Variants in POT1 observed in about 807,000 individuals in gnomAD.
The protein encoded by POT1 is protection of telomeres protein 1.
Under a neutral mutation model 78.5 loss-of-function variants are expected in POT1, and 47 were observed. The ratio of observed to expected loss-of-function variants is 0.60; its 90% CI spans 0.47 to 0.76. POT1 has a LOEUF of 0.76. Ranked by LOEUF, POT1 falls within the 30% of genes least tolerant of loss-of-function variation. POT1 has a pLI of 0.00. For synonymous variants in POT1, 259 were observed against 260.7 expected, an observed-to-expected ratio of 0.99 and a Z score of 0.06; for missense variants, 646 against 749.9, an observed-to-expected ratio of 0.86 and a Z score of 1.62.
chr7:124,929,450 T>C (rs934271045), intron 1 of POT1: 3 of 152,148 alleles, frequency 2.0e-5, no homozygotes, highest in African/African-American at 7.2e-5. Context: ...AAACAAAAAT[T>C]ACTGAACTGA....
chr7:124,871,073 T>C, intron 6 of POT1, 32 bp from the exon 7 acceptor site: 2 of 1,537,584 alleles, frequency 1.3e-6, no homozygotes, highest in Non-Finnish European at 1.8e-6. Flanking sequence ...TACCTGACTT[T>C]CAATATTTTA....
intron 6 of POT1, among the ~76,000 whole-genome samples, chr7:124,876,026 A>T (rs1424405468): frequency 6.6e-6 from 1 of 152,200 alleles, no homozygotes; most frequent in Non-Finnish European, 1.5e-5. Context: ...ATTTGAATTG[A>T]TGTTCAGAAA....
intron 15 of POT1, among the ~76,000 whole-genome samples, chr7:124,832,816 C>T (rs1429942669): frequency 1.7e-5 from 2 of 119,592 alleles, no homozygotes; most frequent in African/African-American, 6.1e-5. Flanking sequence ...AGCAAGACTT[C>T]ATCTCAAAAA....
At chr7:124,891,029 T>G (rs1207685658) in intron 6 of POT1, among the ~76,000 whole-genome samples, 2 of 151,770 alleles carry the variant, frequency 1.3e-5, no homozygotes, top group Non-Finnish European at 2.9e-5. Context: ...GTCTGTTAGG[T>G]CCATTTGGTC....
intron 3 of POT1, among the ~76,000 whole-genome samples, chr7:124,903,573 G>A (rs1796679147): frequency 6.6e-6 from 1 of 152,126 alleles, no homozygotes; most frequent in African/African-American, 2.4e-5. Context: ...GAGAAAGCAA[G>A]AAAGATCTAA....
chr7:124,848,239 T>A (rs1795218587), intron 11 of POT1, among the ~76,000 whole-genome samples: 1 of 152,140 alleles, frequency 6.6e-6, no homozygotes, highest in Non-Finnish European at 1.5e-5. Flanking sequence ...CACTGCTAAT[T>A]TTACCTCAAA....
intron 5 of POT1, among the ~76,000 whole-genome samples, chr7:124,894,011 G>A (rs1377144780): frequency 2.6e-5 from 4 of 151,414 alleles, no homozygotes; most frequent in Non-Finnish European, 5.9e-5. Flanking sequence ...TGAATAAGTT[G>A]GGAAAGAAAA....
intron 3 of POT1, among the ~76,000 whole-genome samples, chr7:124,907,442 C>G (rs1563017061): frequency 6.6e-6 from 1 of 152,020 alleles, no homozygotes; most frequent in Non-Finnish European, 1.5e-5. Context: ...CTTCACCCCC[C>G]ACAAAATTAA....
intron 11 of POT1, among the ~76,000 whole-genome samples, chr7:124,848,145 G>C (rs1259011944): frequency 6.6e-6 from 1 of 152,112 alleles, no homozygotes; most frequent in East Asian, 1.9e-4. Context: ...TTCTAGAACA[G>C]CAAATCTAGA....
At chr7:124,878,116 T>G (rs7799883) in intron 6 of POT1, among the ~76,000 whole-genome samples, 1 of 151,680 alleles carries the variant, frequency 6.6e-6, no homozygotes, top group South Asian at 2.1e-4. Flanking sequence ...GGATCACTAG[T>G]GGCCAGGAGT....
intron 2 of POT1, among the ~76,000 whole-genome samples, chr7:124,918,125 G>A (rs1187669980): frequency 1.3e-5 from 2 of 152,198 alleles, no homozygotes; most frequent in Non-Finnish European, 2.9e-5. Context: ...CCTGCAGCTT[G>A]GATGCTGATT....
At chr7:124,824,402 G>A (rs1244483242) in intron 18 of POT1, among the ~76,000 whole-genome samples, 2 of 151,956 alleles carry the variant, frequency 1.3e-5, no homozygotes. Flanking sequence ...CATGCTTTTG[G>A]ATATAAAGAC....
At chr7:124,834,857 G>A (rs10237080) in intron 15 of POT1, among the ~76,000 whole-genome samples, 2 of 152,066 alleles carry the variant, frequency 1.3e-5, no homozygotes, top group African/African-American at 4.8e-5. Context: ...ATGTCCATCA[G>A]TGATAGACTG....
At chr7:124,896,167 T>C (rs1796486659) in intron 5 of POT1, among the ~76,000 whole-genome samples, 1 of 151,654 alleles carries the variant, frequency 6.6e-6, no homozygotes. Context: ...AGTTTAAAAA[T>C]GTAGAAATGT....
chr7:124,839,997 A>ATTT (rs35228372), intron 14 of POT1, among the ~76,000 whole-genome samples: 2 of 145,190 alleles, frequency 1.4e-5, no homozygotes, highest in African/African-American at 2.5e-5. Flanking sequence ...TTAAGACTTC[A>ATTT]TTTTTTTTTT....
intron 12 of POT1, among the ~76,000 whole-genome samples, chr7:124,844,678 T>C (rs1158120571): frequency 1.5e-5 from 2 of 131,442 alleles, no homozygotes; most frequent in Non-Finnish European, 3.1e-5. Context: ...GAGCTTGCAG[T>C]GAGCCAAGAT....
chr7:124,823,924 G>A lies in POT1; in HGVS notation c.*38C>T, dbSNP rs1168138669. 3 of 1,333,250 alleles carry A rather than the reference G, an allele frequency of 2.3e-6. No individual in the cohort carries two copies. The Admixed American group carries it at 5.3e-5, about 24-fold the overall frequency. The allele number at this position is 1,333,250 out of a possible 1,614,324, so 82.6% of individuals were successfully genotyped here. ...AAAGAAGCTCAAACAGGGAAGGTGA[G>A]TGGCAACATTTTATGTATGCTAAAT... is the stretch of plus-strand genomic sequence containing the variant. On this transcript the variant is annotated 3_prime_UTR_variant, in exon 19 of 19. Transcript: ENST00000357628.
chr7:124,873,648 TG>T (rs1324432173), intron 6 of POT1, among the ~76,000 whole-genome samples: 2 of 152,194 alleles, frequency 1.3e-5, no homozygotes, highest in Non-Finnish European at 2.9e-5. Flanking sequence ...CTTCCATTTT[TG>T]GAAGAGGCTG....
At chr7:124,842,710 A>T in intron 13 of POT1, 97 bp downstream of exon 13, 1 of 970,036 alleles carries the variant, frequency 1.0e-6, no homozygotes, top group South Asian at 2.5e-5. Flanking sequence ...TATATATATT[A>T]ACAATTTACT....
Sources: allele counts gnomAD v4.1 joint callset (sites outside exome capture counted in the v4.1 genomes callset), GRCh38; gene constraint gnomAD v4.1.1; transcripts MANE v1.5; gene names NCBI Gene and HGNC (gene_info 2026-07-23, HGNC 2026-07-21).